The following PICALM variants were observed in gnomAD, a reference collection of about 807,000 sequenced individuals.
The protein encoded by PICALM is phosphatidylinositol-binding clathrin assembly protein.
PICALM carries 40 observed loss-of-function variants against 80.5 expected under a neutral mutation model. The observed-to-expected ratio is 0.50, with a 90% CI of 0.39 to 0.65. PICALM has a LOEUF of 0.65. Ranked by LOEUF, PICALM falls within the 30% of genes least tolerant of loss-of-function variation. PICALM has a pLI of 0.00. For missense variants in PICALM, 676 were observed against 778.9 expected (o/e 0.87, Z 1.57); for synonymous variants, 288 against 260.3 (o/e 1.11, Z -1.02).
At position 86,065,023 on chromosome 11, in the gene PICALM, C is replaced by A. The variant is rs145938531; in HGVS notation, c.130+3628G>T. Among the ~76,000 whole-genome samples, 585 of 152,220 alleles carry A rather than the reference C, an allele frequency of 3.8e-3. 1 individual carries two copies. The highest frequency in any genetic ancestry group is 0.012 in the African/African-American group (495 of 41,522). Reference sequence around the variant, plus strand: ...CTTGAGCCTGAGGAGGATAAGGCTGCAGTGAGCCATGATCCTGCCACTGCA... The same window carrying A: ...CTTGAGCCTGAGGAGGATAAGGCTGAAGTGAGCCATGATCCTGCCACTGCA... On this transcript the variant is annotated intron_variant, in intron 1 of 19. Coordinates refer to ENST00000393346, the MANE Select transcript of PICALM (RefSeq NM_007166.4).
chr11:85,998,473 C>G (rs559161586), intron 11 of PICALM, among the ~76,000 whole-genome samples: 10 of 151,652 alleles, frequency 6.6e-5, no homozygotes, highest in African/African-American at 2.4e-4. Flanking sequence ...AGAATTCAAA[C>G]ACAGTACAGA....
intron 19 of PICALM, 159 bp downstream of exon 19, chr11:85,974,549 C>A: frequency 1.4e-6 from 1 of 720,050 alleles, no homozygotes; most frequent in Non-Finnish European, 2.6e-6. Context: ...AATCAATATT[C>A]CTAAAGCTCT....
At chr11:86,023,413 T>C (rs2095599174) in intron 3 of PICALM, 1 of 979,948 alleles carries the variant, frequency 1.0e-6, no homozygotes, top group African/African-American at 1.8e-5. Flanking sequence ...TATGACTTCA[T>C]ACCTACTACT....
intron 1 of PICALM, among the ~76,000 whole-genome samples, chr11:86,048,763 C>T (rs1441492696): frequency 1.4e-5 from 2 of 143,148 alleles, no homozygotes; most frequent in African/African-American, 5.3e-5. Flanking sequence ...ACCTGGGAGG[C>T]AGAGGTTGCG....
At chr11:86,011,816 AAAATACCTGTAAC>A (rs2095399196) in intron 6 of PICALM, among the ~76,000 whole-genome samples, 1 of 151,824 alleles carries the variant, frequency 6.6e-6, no homozygotes, top group Non-Finnish European at 1.5e-5. Context: ...TTATTGTGGT[AAAATACCTGTAAC>A]ATAAAACTTA....
At chr11:86,026,824 TATATAG>T (rs1234363939) in intron 2 of PICALM, among the ~76,000 whole-genome samples, 1 of 152,218 alleles carries the variant, frequency 6.6e-6, no homozygotes, top group Non-Finnish European at 1.5e-5. Flanking sequence ...CTTCACATCT[TATATAG>T]AATCAAAACA....
chr11:86,018,045 T>G (rs558698999), intron 4 of PICALM, among the ~76,000 whole-genome samples: 4 of 152,308 alleles, frequency 2.6e-5, no homozygotes, highest in South Asian at 4.1e-4. Context: ...TAAAGTAATA[T>G]TATTTTTTAA....
chr11:85,983,761 C>T, intron 14 of PICALM, 105 bp downstream of exon 14: 2 of 519,012 alleles, frequency 3.9e-6, no homozygotes, highest in Non-Finnish European at 3.4e-6. Context: ...TCTTTGGCTA[C>T]CCCAGTTTAA....
chr11:85,967,158 T>C (rs919143165), intron 19 of PICALM, among the ~76,000 whole-genome samples: 2 of 152,216 alleles, frequency 1.3e-5, no homozygotes, highest in African/African-American at 2.4e-5. Context: ...TTTACGGCTA[T>C]ATTGAATTTA....
intron 1 of PICALM, among the ~76,000 whole-genome samples, chr11:86,058,094 AATACCACCCGCTATTT>A (rs1159884014): frequency 6.6e-6 from 1 of 152,238 alleles, no homozygotes; most frequent in African/African-American, 2.4e-5. Flanking sequence ...CTGCAGTGTG[AATACCACCCGCTATTT>A]ATTTTTTGCG....
At chr11:86,001,898 T>C (rs529560527) in intron 9 of PICALM, among the ~76,000 whole-genome samples, 65 of 152,356 alleles carry the variant, frequency 4.3e-4, no homozygotes, top group Non-Finnish European at 8.2e-4. Context: ...AATTCTAACC[T>C]GAAGAACTAC....
chr11:85,987,202 C>T (rs1005228900), intron 13 of PICALM, among the ~76,000 whole-genome samples: 2 of 152,152 alleles, frequency 1.3e-5, no homozygotes, highest in Non-Finnish European at 2.9e-5. Flanking sequence ...TTAAACCTCA[C>T]ATAAACCCTA....
rs371715837 is a variant in PICALM at position 86,010,216 on chromosome 11, G to A, written c.765+814C>T. 6.6e-5 allele frequency among the ~76,000 whole-genome samples: 10 copies of A among 151,978 alleles called. No individual in the cohort carries two copies. In the East Asian group the frequency reaches 1.7e-3, roughly 26 times the overall value. ...ACACCTGCCTTCCGTGACAATTTCA[G>A]AAAATTATTTTTAAGCAGAGCTGCA... On this transcript the variant is annotated intron_variant, in intron 7 of 19. Transcript: ENST00000393346.
intron 2 of PICALM, among the ~76,000 whole-genome samples, chr11:86,026,897 G>A (rs2095657124): frequency 6.6e-6 from 1 of 152,142 alleles, no homozygotes; most frequent in Non-Finnish European, 1.5e-5. Context: ...CTCTTCAGAG[G>A]TGAGTACTTT....
chr11:86,035,840 T>C (rs1427313235), intron 1 of PICALM, among the ~76,000 whole-genome samples: 1 of 148,460 alleles, frequency 6.7e-6, no homozygotes, highest in Admixed American at 6.8e-5. Context: ...CCCAGCTACT[T>C]AGGAGGCTGA....
At chr11:86,031,742 A>C (rs2095755268) in intron 1 of PICALM, 131 bp from the exon 2 acceptor site, 1 of 644,174 alleles carries the variant, frequency 1.6e-6, no homozygotes, top group Non-Finnish European at 2.6e-6. Context: ...ATGTTGTTAA[A>C]AATCTCTCAA....
rs368504071 is a variant in PICALM, at chr11:86,003,979, G to C, written c.808-528C>G. On this transcript the variant is annotated intron_variant, in intron 8 of 19. Transcript: ENST00000393346. ...TGTTGGTGAGCATATGGAACAACTG[G>C]AACTCTCATATATCACTAGTAGGAG... Among the ~76,000 whole-genome samples, 7 of 152,258 alleles carry C rather than the reference G, an allele frequency of 4.6e-5. No individual in the cohort carries two copies. In the South Asian group the frequency reaches 1.2e-3, roughly 27 times the overall value.
intron 2 of PICALM, among the ~76,000 whole-genome samples, chr11:86,030,318 A>C (rs1160580631): frequency 6.6e-6 from 1 of 152,232 alleles, no homozygotes; most frequent in Non-Finnish European, 1.5e-5. Flanking sequence ...TTGAACTTTA[A>C]TAATGCTATA....
At chr11:86,029,654 C>A (rs2095714423) in intron 2 of PICALM, among the ~76,000 whole-genome samples, 1 of 152,156 alleles carries the variant, frequency 6.6e-6, no homozygotes, top group Non-Finnish European at 1.5e-5. Flanking sequence ...CTTTGTTTAT[C>A]TGGCAGTGTA....
Sources: gnomAD v4.1 joint callset for allele counts (sites outside exome capture counted in the v4.1 genomes callset) on GRCh38, gnomAD v4.1.1 for gene constraint, MANE v1.5 for transcripts, NCBI Gene and HGNC (gene_info 2026-07-23, HGNC 2026-07-21) for gene names.